Variants in KIAA1549 observed in about 807,000 individuals in gnomAD.
KIAA1549 encodes UPF0606 protein KIAA1549.
A neutral mutation model predicts 156.4 loss-of-function variants in KIAA1549; 70 were observed. The ratio of observed to expected loss-of-function variants is 0.45; its 90% CI spans 0.37 to 0.55. KIAA1549 has a LOEUF of 0.55. KIAA1549 is among the 20% of genes least tolerant of loss of function. The probability of loss-of-function intolerance (pLI) is 0.00; values close to 1 mark genes in which losing one functional copy is unlikely to be tolerated. For missense variants in KIAA1549, 2,428 were observed against 2,540.9 expected (o/e 0.96, Z 0.96); for synonymous variants, 1,103 against 1,066.4 (o/e 1.03, Z -0.67).
chr7:138,899,970 C>T (rs1346686008), intron 8 of KIAA1549, among the ~76,000 whole-genome samples: 1 of 152,206 alleles, frequency 6.6e-6, no homozygotes, highest in Non-Finnish European at 1.5e-5. Flanking sequence ...GTGATTACCC[C>T]TTTAGACTCC....
At chr7:138,848,434 C>T (rs1276860556) in intron 17 of KIAA1549, among the ~76,000 whole-genome samples, 8 of 152,128 alleles carry the variant, frequency 5.3e-5, no homozygotes, top group Admixed American at 4.6e-4. Context: ...CAAGATTTTC[C>T]TCCTTTATTC....
intron 10 of KIAA1549, among the ~76,000 whole-genome samples, chr7:138,891,243 A>G (rs1292628673): frequency 6.6e-6 from 1 of 152,272 alleles, no homozygotes. Context: ...AGTGACACCC[A>G]GTGCCTGAGG....
chr7:138,861,359 G>C lies in KIAA1549; in HGVS notation c.5027C>G (p.Pro1676Arg), dbSNP rs1419952874. 1 of 1,610,486 alleles carries C rather than the reference G, an allele frequency of 6.2e-7. No individual in the cohort carries two copies. The highest frequency in any genetic ancestry group is 8.5e-7 in the Non-Finnish European group (1 of 1,178,946). ...GCGTGCCTCCTCGATGGACGGCTGG[G>C]GTGGGATGTACTGGGAGGCCGGGAA... ...LPFPASQYIP[P>R]QPSIEEARQT... Residue 1676 changes from proline (P) to arginine (R), a missense_variant, in exon 16 of 20, where the codon CCC becomes CGC. Physicochemically the swap from Pro to Arg is moderately radical, Grantham distance 103 (BLOSUM62 -2). This residue lies in a region of KIAA1549 where 6 missense variants were observed against 20.4 expected (regional missense o/e 0.29). Coordinates refer to ENST00000422774, the MANE Select transcript of KIAA1549 (RefSeq NM_001164665.2).
chr7:138,851,910 C>T (rs1810247020), intron 17 of KIAA1549, among the ~76,000 whole-genome samples: 1 of 152,204 alleles, frequency 6.6e-6, no homozygotes, highest in Admixed American at 6.5e-5. Context: ...GGGCTCATGC[C>T]TCTGGATTTC....
intron 10 of KIAA1549, among the ~76,000 whole-genome samples, chr7:138,888,256 C>T (rs887267502): frequency 4.6e-5 from 7 of 152,238 alleles, no homozygotes; most frequent in Non-Finnish European, 5.9e-5. Context: ...TCCATGTTTA[C>T]TTCCGAAAGA....
intron 10 of KIAA1549, among the ~76,000 whole-genome samples, chr7:138,887,654 G>GGT (rs1292099147): frequency 5.3e-5 from 8 of 152,112 alleles, no homozygotes; most frequent in Admixed American, 5.2e-4. Context: ...AGCTTCCTGC[G>GGT]GTGCTCTGCC....
intron 1 of KIAA1549, among the ~76,000 whole-genome samples, chr7:138,956,291 T>A (rs1279130860): frequency 6.6e-6 from 1 of 152,124 alleles, no homozygotes; most frequent in Non-Finnish European, 1.5e-5. Context: ...TGAGTTAGGA[T>A]TCAGGAGGAG....
At chr7:138,878,713 G>C (rs1034126726) in intron 12 of KIAA1549, among the ~76,000 whole-genome samples, 3 of 151,346 alleles carry the variant, frequency 2.0e-5, no homozygotes, top group South Asian at 2.1e-4. Flanking sequence ...AGTGAGCCGG[G>C]ACTGTGCCAC....
intron 2 of KIAA1549, among the ~76,000 whole-genome samples, chr7:138,914,074 G>A (rs538804538): frequency 6.6e-6 from 1 of 151,898 alleles, no homozygotes; most frequent in African/African-American, 2.4e-5. Flanking sequence ...AGCTAAACTC[G>A]GGGGAAACAG....
At chr7:138,924,621 C>G (rs1261432830) in intron 1 of KIAA1549, among the ~76,000 whole-genome samples, 1 of 152,058 alleles carries the variant, frequency 6.6e-6, no homozygotes, top group Admixed American at 6.5e-5. Context: ...ACAAAAACTT[C>G]GTATTAAGAA....
chr7:138,946,479 A>AT (rs964723426), intron 1 of KIAA1549, among the ~76,000 whole-genome samples: 1 of 151,842 alleles, frequency 6.6e-6, no homozygotes, highest in African/African-American at 2.4e-5. Context: ...CTAAAACAGA[A>AT]TTTTTTTTTA....
At chr7:138,840,361 T>C in intron 18 of KIAA1549, 83 bp from the exon 19 acceptor site, 1 of 1,277,426 alleles carries the variant, frequency 7.8e-7, no homozygotes. Context: ...GAAGACACTG[T>C]CAACTCTGAC....
In KIAA1549 at chr7:138,907,053, G is replaced by A. The variant is rs532793851; in HGVS notation, c.3326C>T (p.Pro1109Leu). Reference sequence around the variant, plus strand: ...TTTAACCGCAAAGATGATATTCACCGGGCCCCGCCGAGGAGTCACCCTTGA... The same window carrying A: ...TTTAACCGCAAAGATGATATTCACCAGGCCCCGCCGAGGAGTCACCCTTGA... ...SSSRVTPRRG[P>L]VNIIFAVKST... Residue 1109 changes from proline (P) to leucine (L), a missense_variant, in exon 6 of 20, where the codon CCG becomes CTG. Around this residue, in one of 5 missense-constraint regions of KIAA1549, gnomAD observed 762 missense variants for 901.6 expected, o/e 0.85. Coordinates refer to ENST00000422774, the MANE Select transcript of KIAA1549 (RefSeq NM_001164665.2). 1.1e-5 allele frequency: 18 copies of A among 1,612,592 alleles called. No homozygotes were observed. The highest frequency in any genetic ancestry group is 3.3e-5 in the South Asian group (3 of 90,808).
chr7:138,900,874 T>A (rs544091182), intron 8 of KIAA1549, among the ~76,000 whole-genome samples: 1 of 152,238 alleles, frequency 6.6e-6, no homozygotes, highest in African/African-American at 2.4e-5. Context: ...GCTTTTTGTA[T>A]AGCCTGAAGA....
At chr7:138,869,411 C>T (rs905898667) in intron 14 of KIAA1549, 127 bp downstream of exon 14, 11 of 729,562 alleles carry the variant, frequency 1.5e-5, no homozygotes, top group African/African-American at 5.3e-5. Flanking sequence ...GAGACCTCCA[C>T]GTGAACACGG....
At chr7:138,919,599 T>A in intron 1 of KIAA1549, 161 bp from the exon 2 acceptor site, 1 of 1,212,958 alleles carries the variant, frequency 8.2e-7, no homozygotes, top group Non-Finnish European at 1.1e-6. Context: ...AAACGAGAAA[T>A]TGACAGAATT....
At chr7:138,892,114 G>C (rs745959884) in intron 10 of KIAA1549, among the ~76,000 whole-genome samples, 1 of 152,124 alleles carries the variant, frequency 6.6e-6, no homozygotes, top group Non-Finnish European at 1.5e-5. Flanking sequence ...AGGATGTATG[G>C]GCAGGTCTTT....
chr7:138,844,635 G>A (rs1810022082), intron 17 of KIAA1549, among the ~76,000 whole-genome samples, 161 bp from the exon 18 acceptor site: 1 of 152,122 alleles, frequency 6.6e-6, no homozygotes. Context: ...TGCTCCCTGA[G>A]GGAAGGGACT....
At position 138,919,288 on chromosome 7, in the gene KIAA1549, G is replaced by A. The variant is rs373095200; in HGVS notation, c.338C>T (p.Pro113Leu). ...HSSPLHVTAP[P>L]SATTFDTAFF... ...GGCTGTATCAAAAGTAGTGGCAGAC[G>A]GCGGGGCTGTGACATGGAGAGGACT... is the stretch of plus-strand genomic sequence containing the variant. The change falls in exon 2 of 20, where the codon CCG (proline) becomes CTG (leucine). Residue 113 changes from proline to leucine, a missense_variant. This residue lies in a region of KIAA1549 where 893 missense variants were observed against 847.9 expected (regional missense o/e 1.05). Transcript: ENST00000422774. 164 of 1,613,902 alleles carry A rather than the reference G, an allele frequency of 1.0e-4. No homozygotes were observed. Among genetic ancestry groups the A allele is most frequent in the Non-Finnish European group, 1.4e-4 (161 of 1,179,910 alleles).
Sources: allele counts gnomAD v4.1 joint callset (sites outside exome capture counted in the v4.1 genomes callset), GRCh38; gene constraint gnomAD v4.1.1; regional missense constraint gnomAD v4.1.1; transcripts MANE v1.5; gene names NCBI Gene and HGNC (gene_info 2026-07-23, HGNC 2026-07-21).